The following TENM3 variants were observed in gnomAD, a reference collection of about 807,000 sequenced individuals.
The protein encoded by TENM3 is teneurin transmembrane protein 3, also known as teneurin-3.
Under a neutral mutation model 255.1 loss-of-function variants are expected in TENM3, and 63 were observed. The ratio of observed to expected loss-of-function variants is 0.25; its 90% confidence interval spans 0.20 to 0.30. The LOEUF (loss-of-function observed/expected upper bound fraction) is 0.30. TENM3 is among the 10% of genes least tolerant of loss of function. The pLI is 1.00. For synonymous variants in TENM3, 1,306 were observed against 1,322.3 expected (o/e 0.99, Z 0.27); for missense variants, 2,929 against 3,461.1 (o/e 0.85, Z 3.86).
At chr4:182,690,076 T>C (rs1756898589) in intron 12 of TENM3, among the ~76,000 whole-genome samples, 1 of 152,166 alleles carries the variant, frequency 6.6e-6, no homozygotes, top group African/African-American at 2.4e-5. Context: ...CAAAATAACC[T>C]TATCAGTGTA....
At chr4:181,958,151 A>C in the TENM3 span, among the ~76,000 whole-genome samples, 1 of 152,182 alleles carries the variant, frequency 6.6e-6, no homozygotes, top group Non-Finnish European at 1.5e-5. Context: ...TTAAAATGGG[A>C]ATTTTAAAAT....
chr4:182,316,714 C>T (rs1034902682), intron 1 of TENM3, among the ~76,000 whole-genome samples: 4 of 152,144 alleles, frequency 2.6e-5, no homozygotes, highest in South Asian at 2.1e-4. Flanking sequence ...ACACTTGTGT[C>T]GATCAGTACT....
intron 5 of TENM3, among the ~76,000 whole-genome samples, chr4:182,632,204 A>G (rs1051887976): frequency 2.0e-5 from 3 of 152,140 alleles, no homozygotes; most frequent in Admixed American, 6.6e-5. Context: ...TTTAGTGGCT[A>G]TTCTTAGTTA....
intron 3 of TENM3, among the ~76,000 whole-genome samples, chr4:182,489,242 GCT>G (rs1735043373): frequency 2.1e-5 from 3 of 145,270 alleles, no homozygotes; most frequent in Admixed American, 7.1e-5. Flanking sequence ...TTTATAATGT[GCT>G]CTAATAAAGG....
At chr4:182,140,305 C>T (rs1021750389), upstream of TENM3, among the ~76,000 whole-genome samples, 1 of 152,176 alleles carries the variant, frequency 6.6e-6, no homozygotes, top group African/African-American at 2.4e-5. Flanking sequence ...GGCCCATCAC[C>T]TATTTGCTGT....
At chr4:181,955,500 C>T in the TENM3 span, among the ~76,000 whole-genome samples, 8 of 152,122 alleles carry the variant, frequency 5.3e-5, no homozygotes, top group East Asian at 1.3e-3. Context: ...AGTCCTCTTA[C>T]CAGCCAGAGA....
chr4:182,295,261 C>CTTTTTT (rs752005972), intron 1 of TENM3, among the ~76,000 whole-genome samples: 553 of 70,414 alleles, frequency 7.9e-3, no homozygotes, highest in Non-Finnish European at 8.8e-3. Flanking sequence ...CTTTGCTTTT[C>CTTTTTT]TTTTTTTTTT....
chr4:181,906,793 C>T, the TENM3 span, among the ~76,000 whole-genome samples: 2 of 152,162 alleles, frequency 1.3e-5, no homozygotes, highest in East Asian at 1.9e-4. Flanking sequence ...GCGATCCTCT[C>T]GCTTCTGCCT....
chr4:181,460,879 TG>T, the TENM3 span, among the ~76,000 whole-genome samples: 1 of 151,896 alleles, frequency 6.6e-6, no homozygotes, highest in African/African-American at 2.4e-5. Context: ...CATCATTACT[TG>T]GTTTTATTTT....
At chr4:182,337,007 G>A (rs950966730) in intron 2 of TENM3, among the ~76,000 whole-genome samples, 3 of 152,084 alleles carry the variant, frequency 2.0e-5, no homozygotes, top group Non-Finnish European at 2.9e-5. Context: ...CAGCTGGTGA[G>A]TTCTAGGTCC....
Position 182,681,840 on chromosome 4 carries a change from A to G in TENM3, c.1861A>G (p.Asn621Asp). The G allele has an allele frequency of 6.2e-7, 1 of 1,613,636 alleles. No homozygotes were observed. The highest frequency in any genetic ancestry group is 8.5e-7 in the Non-Finnish European group (1 of 1,179,734). Residue 621 changes from asparagine (N) to aspartate (D), a missense_variant, in exon 11 of 28, where the codon AAT becomes GAT. By Grantham distance (23) the Asn-to-Asp change is conservative. This residue lies in a region of TENM3 where 1,608 missense variants were observed against 1,884.4 expected (regional missense o/e 0.85). Coordinates refer to ENST00000511685, the MANE Select transcript of TENM3 (RefSeq NM_001080477.4). Reference sequence around the variant, plus strand: ...TGACTGTATAGACCCTGGGTGTTCTAATCATGGTGTGTGTATCCACGGGGA... The same window carrying G: ...TGACTGTATAGACCCTGGGTGTTCTGATCATGGTGTGTGTATCCACGGGGA... ...EADCIDPGCS[N>D]HGVCIHGECH...
At chr4:181,713,199 C>T in the TENM3 span, among the ~76,000 whole-genome samples, 1 of 152,172 alleles carries the variant, frequency 6.6e-6, no homozygotes, top group East Asian at 1.9e-4. Context: ...GCCTTTGTCA[C>T]TGCTCGAAGA....
intron 1 of TENM3, among the ~76,000 whole-genome samples, chr4:182,264,703 C>G (rs1309296327): frequency 6.6e-6 from 1 of 152,052 alleles, no homozygotes; most frequent in Non-Finnish European, 1.5e-5. Flanking sequence ...TTAAATTTTC[C>G]TTTCTCTGAG....
chr4:182,303,311 G>A (rs144560303), intron 1 of TENM3, among the ~76,000 whole-genome samples: 8 of 152,236 alleles, frequency 5.3e-5, no homozygotes, highest in African/African-American at 1.4e-4. Flanking sequence ...GATTTCACAC[G>A]TTGGTTACTG....
chr4:182,405,253 T>A (rs1211059608), intron 3 of TENM3, among the ~76,000 whole-genome samples: 1 of 152,192 alleles, frequency 6.6e-6, no homozygotes, highest in Non-Finnish European at 1.5e-5. Flanking sequence ...CCCGCTACAA[T>A]CTATCGCTTC....
intron 3 of TENM3, among the ~76,000 whole-genome samples, chr4:182,527,951 C>T (rs1020972339): frequency 6.6e-6 from 1 of 152,162 alleles, no homozygotes; most frequent in Non-Finnish European, 1.5e-5. Context: ...TGGTCTCCAT[C>T]TCTTGACCTC....
chr4:182,100,448 A>ATATAT, the TENM3 span, among the ~76,000 whole-genome samples: 156 of 114,708 alleles, frequency 1.4e-3, 3 homozygotes, highest in Admixed American at 5.0e-3. Flanking sequence ...TAAAAAAAAA[A>ATATAT]ATATATATAT....
intron 4 of TENM3, among the ~76,000 whole-genome samples, chr4:182,603,800 T>C (rs930704124): frequency 6.8e-6 from 1 of 148,098 alleles, no homozygotes; most frequent in Non-Finnish European, 1.5e-5. Context: ...CACACACCGA[T>C]TTTGCTAATT....
At chr4:181,511,587 C>T in the TENM3 span, among the ~76,000 whole-genome samples, 30 of 152,278 alleles carry the variant, frequency 2.0e-4, no homozygotes, top group Admixed American at 6.5e-4. Flanking sequence ...TACCTTGCTC[C>T]GGGTGATTTG....
Sources: gnomAD v4.1 joint callset for allele counts (sites outside exome capture counted in the v4.1 genomes callset) on GRCh38, gnomAD v4.1.1 for gene constraint, gnomAD v4.1.1 regional missense constraint, MANE v1.5 for transcripts, NCBI Gene and HGNC (gene_info 2026-07-23, HGNC 2026-07-21) for gene names.